ZNF544: variants seen among roughly 807,000 people sequenced by gnomAD.
ZNF544 encodes zinc finger protein AF020591.
In ZNF544, 10 loss-of-function variants were observed where a neutral mutation model predicts 13.5. That is an observed-to-expected ratio of 0.74 (90% CI 0.46 to 1.25). ZNF544 has a LOEUF of 1.25. ZNF544 is among the 50% of genes most tolerant of loss of function. ZNF544 has a pLI of 0.00. For missense variants in ZNF544, 896 were observed against 845.6 expected, an observed-to-expected ratio of 1.06 and a Z score of -0.74; for synonymous variants, 323 against 300.5, an observed-to-expected ratio of 1.07 and a Z score of -0.77.
chr19:58,261,798 C>G lies in ZNF544; in HGVS notation c.1192C>G (p.His398Asp). The G allele has an allele frequency of 1.2e-6, 2 of 1,614,046 alleles. No individual in the cohort carries two copies. Among genetic ancestry groups the G allele is most frequent in the South Asian group, 2.2e-5 (2 of 91,068 alleles). ...TAGCCAGAGCTATGACCTTGTCATA[C>G]ATCAGAGGACACACACTGGAGAGAA... ...SFSQSYDLVI[H>D]QRTHTGEKPY... Residue 398 changes from histidine (H) to aspartate (D), a missense_variant, in exon 7 of 7, where the codon CAT (histidine) becomes GAT (aspartate). Physicochemically the swap from His to Asp is moderately conservative, Grantham distance 81. Coordinates refer to ENST00000687789, the MANE Select transcript of ZNF544 (RefSeq NM_014480.4).
Position 58,262,303 on chromosome 19 carries a change from A to G in ZNF544, c.1697A>G (p.His566Arg), listed in dbSNP as rs1278109548. ...AGATGGAACTCTAACCTCGTCATAC[A>G]TCAGAGAATTCATACTGGAGAGAAA... ...SFRWNSNLVI[H>R]QRIHTGEKPY... The change falls in exon 7 of 7, where the codon CAT becomes CGT. Residue 566 changes from histidine (H) to arginine (R), a missense_variant. His to Arg is a conservative substitution (Grantham distance 29). Coordinates refer to ENST00000687789, the MANE Select transcript of ZNF544 (RefSeq NM_014480.4). 1.2e-6 allele frequency: 2 copies of G among 1,614,074 alleles called. No homozygotes were observed. The highest frequency in any genetic ancestry group is 8.5e-7 in the Non-Finnish European group (1 of 1,180,036).
rs1362995270 is a variant in ZNF544 at position 58,246,784 on chromosome 19, G to A, written c.234G>A (p.Glu78=). 2 of 1,613,902 alleles carry A rather than the reference G, an allele frequency of 1.2e-6. No homozygotes were observed. Among genetic ancestry groups the A allele is most frequent in the Admixed American group, 1.7e-5 (1 of 59,992 alleles). Residue 78 remains glutamate, a synonymous_variant, in exon 6 of 7, where the codon GAG becomes GAA. Transcript: ENST00000687789. Reference sequence around the variant, plus strand: ...AGGACCTGTGCAGGGCAGAGCAGGAGGCCCCCCGAGGTAAGAGCAGACCTT... The same window carrying A: ...AGGACCTGTGCAGGGCAGAGCAGGAAGCCCCCCGAGGTAAGAGCAGACCTT... ...QEEDLCRAEQ[E]APRDWKATLE... is the part of the protein sequence containing the mutation.
downstream of ZNF544, among the ~76,000 whole-genome samples, chr19:58,265,607 A>AT (rs958080438): frequency 3.5e-5 from 5 of 142,138 alleles, no homozygotes; most frequent in African/African-American, 1.3e-4. Context: ...ATTTATTTTT[A>AT]TTTTTTGACA....
In ZNF544 at chr19:58,261,763, GGAAA is replaced by G. The variant is rs1708595376; in HGVS notation, c.1158_1161del (p.Lys387LeufsTer92). The G allele has an allele frequency of 6.2e-7, 1 of 1,614,036 alleles. No homozygotes were observed. The highest frequency in any genetic ancestry group is 1.3e-5 in the African/African-American group (1 of 74,898). The stretch of plus-strand genomic sequence containing the variant: ...AAGCCCTTCGAATGTACTCAGTGTG[GGAAA>G]TCTTTTAGCCAGAGCTATGACCTTG... On this transcript the variant is annotated frameshift_variant, in exon 7 of 7. Coordinates refer to ENST00000687789, the MANE Select transcript of ZNF544 (RefSeq NM_014480.4). LOFTEE classifies it low-confidence loss of function (END_TRUNC).
At chr19:58,234,486 C>T (rs955683014) in intron 3 of ZNF544, among the ~76,000 whole-genome samples, 1 of 152,248 alleles carries the variant, frequency 6.6e-6, no homozygotes, top group Non-Finnish European at 1.5e-5. Context: ...CACTTACATC[C>T]CTGGCCTGGA....
At chr19:58,233,242 A>AT (rs1342859649) in intron 3 of ZNF544, among the ~76,000 whole-genome samples, 26 of 152,258 alleles carry the variant, frequency 1.7e-4, no homozygotes, top group Non-Finnish European at 3.5e-4. Context: ...ACACGTGGGA[A>AT]TTATGGGAGC....
At chr19:58,246,215 G>T (rs1015679937) in intron 4 of ZNF544, 86 bp from the exon 5 acceptor site, 7 of 1,579,482 alleles carry the variant, frequency 4.4e-6, no homozygotes, top group Non-Finnish European at 5.2e-6. Context: ...TTTACGGGGG[G>T]ACACCAACAT....
chr19:58,272,602 G>A (rs1240727110), intron 5 of ZNF544, among the ~76,000 whole-genome samples: 1 of 151,838 alleles, frequency 6.6e-6, no homozygotes, highest in Non-Finnish European at 1.5e-5. Context: ...AAGGGAGTGG[G>A]TTAGTCCTTG....
chr19:58,272,912 G>C (rs756706852), intron 5 of ZNF544, among the ~76,000 whole-genome samples: 4 of 151,580 alleles, frequency 2.6e-5, no homozygotes, highest in Non-Finnish European at 5.9e-5. Flanking sequence ...GGCCGGGCGC[G>C]GTGGCTCATG....
chr19:58,255,736 C>T (rs375356544), intron 6 of ZNF544, among the ~76,000 whole-genome samples: 19 of 152,220 alleles, frequency 1.2e-4, no homozygotes, highest in Non-Finnish European at 1.6e-4. Flanking sequence ...CTGAAATATG[C>T]GTGAGTTCGC....
chr19:58,261,469 A>G lies in ZNF544; in HGVS notation c.863A>G (p.Gln288Arg), dbSNP rs2048935172. 5 of 1,614,118 alleles carry G rather than the reference A, an allele frequency of 3.1e-6. No individual in the cohort carries two copies. Among genetic ancestry groups the G allele is most frequent in the East Asian group, 4.5e-5 (2 of 44,904 alleles). Reference protein sequence around the residue: ...LFSHSVSLNEQKPVHFGKSQY... With the variant: ...LFSHSVSLNERKPVHFGKSQY... ...AGTCACAGTGTGTCTCTGAATGAAC[A>G]GAAGCCAGTGCATTTTGGGAAAAGT... Residue 288 changes from glutamine to arginine, a missense_variant, in exon 7 of 7, where the codon CAG becomes CGG. Gln to Arg is a conservative substitution (Grantham distance 43). Transcript: ENST00000687789.
At chr19:58,241,637 C>T (rs374809609) in intron 3 of ZNF544, among the ~76,000 whole-genome samples, 84 of 152,106 alleles carry the variant, frequency 5.5e-4, no homozygotes, top group African/African-American at 2.0e-3. Context: ...GCTGGGACTA[C>T]AGGCGCCCGC....
At chr19:58,241,176 TATA>T (rs1398496976) in intron 3 of ZNF544, among the ~76,000 whole-genome samples, 1 of 92,566 alleles carries the variant, frequency 1.1e-5, no homozygotes, top group African/African-American at 4.7e-5. Flanking sequence ...TATATATATA[TATA>T]TTTTTTTTTT....
intron 4 of ZNF544, among the ~76,000 whole-genome samples, chr19:58,244,887 C>G (rs1204788669): frequency 6.6e-6 from 1 of 151,568 alleles, no homozygotes; most frequent in African/African-American, 2.4e-5. Context: ...TCTTCCTCTT[C>G]TTATAAGGAC....
intron 5 of ZNF544, among the ~76,000 whole-genome samples, chr19:58,273,866 G>C (rs1349246208): frequency 6.6e-6 from 1 of 151,548 alleles, no homozygotes; most frequent in Non-Finnish European, 1.5e-5. Context: ...CGTGGCCTCA[G>C]CTCACTGCAA....
chr19:58,258,367 TGA>T (rs1238114768), intron 6 of ZNF544: 1 of 155,898 alleles, frequency 6.4e-6, no homozygotes, highest in African/African-American at 2.4e-5. Flanking sequence ...AGTGCAAGTG[TGA>T]GAGTGCTGGG....
At chr19:58,260,538 C>T (rs1358643558) in intron 6 of ZNF544, 1 of 200,844 alleles carries the variant, frequency 5.0e-6, no homozygotes, top group African/African-American at 2.3e-5. Flanking sequence ...CCTCAGCCTC[C>T]CAAAGTTCTG....
chr19:58,240,169 T>C (rs1257441452), intron 3 of ZNF544, among the ~76,000 whole-genome samples: 6 of 152,070 alleles, frequency 3.9e-5, no homozygotes, highest in Non-Finnish European at 7.4e-5. Flanking sequence ...CATGGCCCAG[T>C]GCCCCTGGCA....
At chr19:58,264,963 T>C (rs1283535676), downstream of ZNF544, among the ~76,000 whole-genome samples, 2 of 152,086 alleles carry the variant, frequency 1.3e-5, no homozygotes, top group Non-Finnish European at 2.9e-5. Context: ...TGCAGTGAGC[T>C]GAGATCACAC....
Sources: allele counts gnomAD v4.1 joint callset (sites outside exome capture counted in the v4.1 genomes callset), GRCh38; gene constraint gnomAD v4.1.1; transcripts MANE v1.5; gene names NCBI Gene and HGNC (gene_info 2026-07-23, HGNC 2026-07-21).